Variants in ROBO1 observed in about 807,000 individuals in gnomAD.
ROBO1 encodes roundabout homolog 1.
ROBO1 carries 149 observed loss-of-function variants against 195.9 expected under a neutral mutation model. The ratio of observed to expected loss-of-function variants is 0.76; its 90% CI spans 0.67 to 0.87. The LOEUF (loss-of-function observed/expected upper bound fraction) is 0.87, where lower values mean the gene tolerates loss of function less well. Ranked by LOEUF, ROBO1 falls within the 40% of genes least tolerant of loss-of-function variation. The probability of loss-of-function intolerance (pLI) is 0.00; values close to 1 mark genes in which losing one functional copy is unlikely to be tolerated. For missense variants in ROBO1, 1,933 were observed against 2,068.3 expected (o/e 0.93, Z 1.27); for synonymous variants, 816 against 733.2 (o/e 1.11, Z -1.82).
chr3:79,367,733 A>G (rs933878778), intron 2 of ROBO1, among the ~76,000 whole-genome samples: 2 of 152,186 alleles, frequency 1.3e-5, no homozygotes, highest in Admixed American at 6.5e-5. Flanking sequence ...ATCATTGCTT[A>G]TTCAGGGGCC....
intron 2 of ROBO1, among the ~76,000 whole-genome samples, chr3:79,235,940 AT>A (rs2082399484): frequency 6.6e-6 from 1 of 152,104 alleles, no homozygotes; most frequent in Non-Finnish European, 1.5e-5. Context: ...AATGACAACA[AT>A]ATAGCATATT....
chr3:78,799,355 T>G (rs2084285525), intron 4 of ROBO1, among the ~76,000 whole-genome samples: 1 of 152,158 alleles, frequency 6.6e-6, no homozygotes, highest in African/African-American at 2.4e-5. Context: ...TTTTTGTTTT[T>G]TTTTGAAACG....
At chr3:79,163,188 C>T (rs2081003953) in intron 2 of ROBO1, among the ~76,000 whole-genome samples, 1 of 152,056 alleles carries the variant, frequency 6.6e-6, no homozygotes, top group South Asian at 2.1e-4. Flanking sequence ...TGCTGCCTCC[C>T]CACAGTTCCT....
intron 3 of ROBO1, among the ~76,000 whole-genome samples, chr3:79,105,755 GAA>G (rs1015532226): frequency 1.3e-5 from 2 of 151,732 alleles, no homozygotes; most frequent in Non-Finnish European, 3.0e-5. Flanking sequence ...TGTATGTAAT[GAA>G]AAGAGTATAC....
At chr3:79,004,528 G>A (rs1277559231) in intron 3 of ROBO1, among the ~76,000 whole-genome samples, 3 of 152,112 alleles carry the variant, frequency 2.0e-5, no homozygotes, top group East Asian at 3.9e-4. Context: ...GAGGATGCTA[G>A]AGAAACATAA....
At chr3:79,681,123 A>G (rs1285621334) in intron 1 of ROBO1, among the ~76,000 whole-genome samples, 2 of 152,052 alleles carry the variant, frequency 1.3e-5, no homozygotes, top group African/African-American at 4.8e-5. Flanking sequence ...GCTGATATTT[A>G]AGTTTAGAAG....
intron 3 of ROBO1, among the ~76,000 whole-genome samples, chr3:78,959,697 T>C (rs1277388519): frequency 6.6e-6 from 1 of 152,200 alleles, no homozygotes; most frequent in Non-Finnish European, 1.5e-5. Flanking sequence ...CTAAAAGTTT[T>C]GTAAATTCAC....
At chr3:78,905,005 C>T (rs1202676024) in intron 4 of ROBO1, among the ~76,000 whole-genome samples, 1 of 141,844 alleles carries the variant, frequency 7.1e-6, no homozygotes, top group Admixed American at 6.9e-5. Context: ...TACTATAACA[C>T]CAATAATAAA....
chr3:79,285,596 A>C (rs919778669), intron 2 of ROBO1, among the ~76,000 whole-genome samples: 1 of 152,176 alleles, frequency 6.6e-6, no homozygotes, highest in African/African-American at 2.4e-5. Flanking sequence ...AACAAAACAG[A>C]AATCAGGGCC....
At chr3:78,742,410 TA>T (rs1219385717) in intron 5 of ROBO1, among the ~76,000 whole-genome samples, 1 of 152,000 alleles carries the variant, frequency 6.6e-6, no homozygotes, top group Non-Finnish European at 1.5e-5. Context: ...AAACTGGAAA[TA>T]ATGTCATGTA....
intron 8 of ROBO1, among the ~76,000 whole-genome samples, chr3:78,699,591 T>TA (rs1420916246): frequency 3.9e-4 from 58 of 150,070 alleles, no homozygotes; most frequent in Admixed American, 1.2e-3. Flanking sequence ...ATAATAATAA[T>TA]ATTAATAATA....
At chr3:79,667,005 T>C (rs143389538) in intron 1 of ROBO1, among the ~76,000 whole-genome samples, 21 of 152,044 alleles carry the variant, frequency 1.4e-4, no homozygotes, top group African/African-American at 4.8e-4. Context: ...CATTACTAAA[T>C]ATTTACACAA....
chr3:79,347,053 TA>T (rs935551324), intron 2 of ROBO1, among the ~76,000 whole-genome samples: 1 of 152,054 alleles, frequency 6.6e-6, no homozygotes, highest in Admixed American at 6.6e-5. Context: ...TAGTTACTTA[TA>T]AAAAAATTGT....
chr3:79,052,235 G>A (rs974846837), intron 3 of ROBO1, among the ~76,000 whole-genome samples: 3 of 152,098 alleles, frequency 2.0e-5, no homozygotes, highest in African/African-American at 7.2e-5. Flanking sequence ...GGGAGTGTTT[G>A]TCTTATGCAG....
intron 3 of ROBO1, among the ~76,000 whole-genome samples, chr3:78,991,742 C>T (rs9834706): frequency 0.039 from 5,986 of 152,098 alleles, 359 homozygotes; most frequent in African/African-American, 0.13. Flanking sequence ...CTTTGATTAA[C>T]GATACAGTTG....
intron 1 of ROBO1, among the ~76,000 whole-genome samples, chr3:79,748,939 G>A (rs1458370056): frequency 6.6e-6 from 1 of 152,128 alleles, no homozygotes; most frequent in Non-Finnish European, 1.5e-5. Context: ...GTACAGTGGG[G>A]TCCTGCTGAA....
At position 79,298,125 on chromosome 3, in the gene ROBO1, T is replaced by A. The variant is rs192815718; in HGVS notation, c.89-172586A>T. Among the ~76,000 whole-genome samples the A allele has an allele frequency of 5.1e-4, 78 of 152,214 alleles. No homozygotes were observed. The East Asian group carries it at 0.014, about 28-fold the overall frequency. On this transcript the variant is annotated intron_variant, in intron 2 of 30. Coordinates refer to ENST00000464233, the MANE Select transcript of ROBO1 (RefSeq NM_002941.4). ...TTTGTGATATGGATTTAAAAAAAAA[T>A]ATCAGTTTCTTTTATATACCTCTGG...
chr3:78,981,049 TA>T (rs2076979998), intron 3 of ROBO1, among the ~76,000 whole-genome samples: 1 of 152,130 alleles, frequency 6.6e-6, no homozygotes, highest in South Asian at 2.1e-4. Context: ...AGATATGAAA[TA>T]GATATTACTG....
intron 5 of ROBO1, among the ~76,000 whole-genome samples, chr3:78,729,500 T>C (rs1371460642): frequency 3.7e-4 from 56 of 152,206 alleles, no homozygotes; most frequent in Admixed American, 3.5e-3. Context: ...ATTTTTCTGC[T>C]GGACACCCAT....
Sources: gnomAD v4.1 joint callset for allele counts (sites outside exome capture counted in the v4.1 genomes callset) on GRCh38, gnomAD v4.1.1 for gene constraint, MANE v1.5 for transcripts, NCBI Gene and HGNC (gene_info 2026-07-23, HGNC 2026-07-21) for gene names.